SYT15: variants seen among roughly 807,000 people sequenced by gnomAD.
SYT15 encodes synaptotagmin 15.
SYT15 carries 4 observed loss-of-function variants against 30.1 expected under a neutral mutation model. That is an observed-to-expected ratio of 0.13 (90% CI 0.07 to 0.30). The LOEUF is 0.30. Ranked by LOEUF, SYT15 falls within the 10% of genes least tolerant of loss-of-function variation. SYT15 has a pLI of 1.00. For missense variants in SYT15, 49 were observed against 371.7 expected, an observed-to-expected ratio of 0.13 and a Z score of 7.14; for synonymous variants, 19 against 166.3, an observed-to-expected ratio of 0.11 and a Z score of 6.82.
chr10:46,584,217 G>A (rs1315458929), intron 5 of SYT15, among the ~76,000 whole-genome samples: 2 of 151,474 alleles, frequency 1.3e-5, no homozygotes, highest in Non-Finnish European at 2.9e-5. Flanking sequence ...GTCCAGCCCA[G>A]GGAAATGTTT....
At chr10:46,584,781 G>T (rs1844694900) in intron 6 of SYT15, among the ~76,000 whole-genome samples, 166 bp downstream of exon 6, 1 of 151,052 alleles carries the variant, frequency 6.6e-6, no homozygotes, top group South Asian at 2.1e-4. Flanking sequence ...CAGTTCTGGT[G>T]CAGGAAGCCT....
chr10:46,580,555 A>G (rs1159492611), intron 2 of SYT15, among the ~76,000 whole-genome samples, 187 bp downstream of exon 2: 3 of 128,862 alleles, frequency 2.3e-5, no homozygotes, highest in Non-Finnish European at 4.9e-5. Flanking sequence ...CCAGGTGAGG[A>G]ATCTGAGGCT....
downstream of SYT15, among the ~76,000 whole-genome samples, chr10:46,594,891 C>A (rs191784183): frequency 4.9e-5 from 5 of 101,218 alleles, no homozygotes; most frequent in Non-Finnish European, 9.6e-5. Context: ...TCTCAGAATT[C>A]TTTTCTCAGA....
chr10:46,580,708 G>A (rs1844096021), intron 2 of SYT15, among the ~76,000 whole-genome samples, 186 bp from the exon 3 acceptor site: 1 of 140,072 alleles, frequency 7.1e-6, no homozygotes, highest in Non-Finnish European at 1.5e-5. Flanking sequence ...GTGTGTGTGT[G>A]TGTGTGTGTG....
intron 7 of SYT15, among the ~76,000 whole-genome samples, chr10:46,586,785 C>A (rs1845007322): frequency 1.1e-5 from 1 of 88,616 alleles, no homozygotes; most frequent in Non-Finnish European, 2.2e-5. Flanking sequence ...GCAGAGGTTG[C>A]AGTGAGCCAA....
rs541766716 is a variant in SYT15, at chr10:46,591,118, G to A, written c.*3471G>A. 21 of 94,904 alleles carry A rather than the reference G, an allele frequency of 2.2e-4. No individual in the cohort carries two copies. The East Asian group carries it at 5.4e-3, about 24-fold the overall frequency. The allele number at this position is 94,904 out of a possible 1,614,324, so 5.9% of individuals were successfully genotyped here. ...TCAGTGGCTCACATCTATTATCCCC[G>A]CACTTTGGAAGGCCAAGGCAGGTAG... On this transcript the variant is annotated 3_prime_UTR_variant, in exon 8 of 8. Transcript: ENST00000374321.
rs57369329 is a variant in SYT15 at position 46,591,282 on chromosome 10, C to T, written c.*3635C>T. On this transcript the variant is annotated 3_prime_UTR_variant, in exon 8 of 8. Transcript: ENST00000374321. ...CTGGGGCAGGAGTATTGCGTGAGCC[C>T]GGGAGGTTAAGGCTGAAGTGAGTCA... 289 of 53,800 alleles carry T rather than the reference C, an allele frequency of 5.4e-3. 14 individuals are homozygous for T. The highest frequency in any genetic ancestry group is 0.024 in the African/African-American group (262 of 11,004). The allele number at this position is 53,800 out of a possible 1,614,324, so 3.3% of individuals were successfully genotyped here. A position where few individuals can be genotyped will look rare whatever the true frequency, so the allele number is the denominator to read the frequency against.
In SYT15 at chr10:46,590,982, T is replaced by C. The variant is rs1200774795; in HGVS notation, c.*3335T>C. ...GTACACTTTTGTGTGTGTGCGCAGG[T>C]TTATACACATAAACACAACAATACT... On this transcript the variant is annotated 3_prime_UTR_variant, in exon 8 of 8. Coordinates refer to ENST00000374321, the MANE Select transcript of SYT15 (RefSeq NM_031912.5). The C allele has an allele frequency of 7.0e-6, 1 of 143,856 alleles. No homozygotes were observed. The highest frequency in any genetic ancestry group is 1.5e-5 in the Non-Finnish European group (1 of 66,286). 8.9% of individuals were successfully genotyped at this position (143,856 alleles called of 1,614,324 possible). A position where few individuals can be genotyped will look rare whatever the true frequency, so the allele number is the denominator to read the frequency against.
downstream of SYT15, chr10:46,592,080 C>G (rs1390643016): frequency 7.4e-6 from 1 of 135,924 alleles, no homozygotes; most frequent in Non-Finnish European, 1.6e-5. Context: ...TTGTCTTACC[C>G]ATTTTTGTTT....
chr10:46,583,916 C>T lies in SYT15; in HGVS notation c.822+14C>T. The T allele has an allele frequency of 1.3e-6, 2 of 1,530,450 alleles. No individual in the cohort carries two copies. Among genetic ancestry groups the T allele is most frequent in the Non-Finnish European group, 1.8e-6 (2 of 1,133,432 alleles). 94.8% of individuals were successfully genotyped at this position (1,530,450 alleles called of 1,614,324 possible). A position where few individuals can be genotyped will look rare whatever the true frequency, so the allele number is the denominator to read the frequency against. Reference sequence around the variant, plus strand: ...GAGAGCCTGGAGGTATGGTCAAGGTCACCATGCCTATGCCACTGAGCATCA... The same window carrying T: ...GAGAGCCTGGAGGTATGGTCAAGGTTACCATGCCTATGCCACTGAGCATCA... On this transcript the variant is annotated intron_variant, in intron 5 of 7. Transcript: ENST00000374321.
chr10:46,591,777 A>G lies in SYT15; in HGVS notation c.*4130A>G, dbSNP rs1845448488. On this transcript the variant is annotated 3_prime_UTR_variant, in exon 8 of 8. Coordinates refer to ENST00000374321, the MANE Select transcript of SYT15 (RefSeq NM_031912.5). ...TTTGAGTTTTGTTAGTTTTTGTTTTATGCATTTAGAGGTTGTGTTATTAGG... is the reference window on the plus strand; with the variant it reads ...TTTGAGTTTTGTTAGTTTTTGTTTTGTGCATTTAGAGGTTGTGTTATTAGG... The G allele has an allele frequency of 7.0e-6, 1 of 142,926 alleles. No homozygotes were observed. Among genetic ancestry groups the G allele is most frequent in the African/African-American group, 2.7e-5 (1 of 36,492 alleles). The allele number at this position is 142,926 out of a possible 1,614,324, so 8.9% of individuals were successfully genotyped here.
At chr10:46,580,800 C>T (rs1206897761) in intron 2 of SYT15, 94 bp from the exon 3 acceptor site, 2 of 910,496 alleles carry the variant, frequency 2.2e-6, no homozygotes, top group Admixed American at 5.9e-5. Flanking sequence ...GGCTTTTCTT[C>T]CTCCAGCCCC....
downstream of SYT15, chr10:46,596,709 C>G: frequency 2.7e-6 from 1 of 370,530 alleles, no homozygotes; most frequent in Non-Finnish European, 5.2e-6. Flanking sequence ...ACTAGGTGAT[C>G]AGAAATCCCT....
chr10:46,596,873 C>T (rs1216991908), downstream of SYT15: 18 of 396,860 alleles, frequency 4.5e-5, 1 homozygote, highest in Non-Finnish European at 6.8e-5. Context: ...AGTTTAGACT[C>T]CTACATGGGA....
chr10:46,580,719 CGTGTGT>C (rs10588658), intron 2 of SYT15, among the ~76,000 whole-genome samples, 169 bp from the exon 3 acceptor site: 2 of 66,066 alleles, frequency 3.0e-5, no homozygotes, highest in Admixed American at 1.4e-4. Context: ...TGTGTGTGTG[CGTGTGT>C]GTGTGTGTGT....
At chr10:46,595,830 TA>T (rs1296660150), downstream of SYT15, among the ~76,000 whole-genome samples, 5 of 134,594 alleles carry the variant, frequency 3.7e-5, no homozygotes, top group East Asian at 1.0e-3. Context: ...GGACAGCTGC[TA>T]CCCCCAGGGA....
chr10:46,580,306 AG>A lies in SYT15; in HGVS notation c.151del (p.Ala51LeufsTer19), dbSNP rs782416537. ...CTGGGACACCAGCCATGGCCACCACAGCTGCCTCCAGTGGGCAGCGGGACAG... is the reference window on the plus strand; with the variant it reads ...CTGGGACACCAGCCATGGCCACCACACTGCCTCCAGTGGGCAGCGGGACAG... ...LPGTPAMATT[A>X]ASSGQRDRPC... is the part of the protein sequence containing the mutation. On this transcript the variant is annotated frameshift_variant, in exon 2 of 8. Coordinates refer to ENST00000374321, the MANE Select transcript of SYT15 (RefSeq NM_031912.5). LOFTEE classifies it high-confidence loss of function. 6.4e-5 allele frequency: 45 copies of A among 700,494 alleles called. 1 individual carries two copies. Among genetic ancestry groups the A allele is most frequent in the Non-Finnish European group, 9.5e-5 (45 of 471,438 alleles). The allele number at this position is 700,494 out of a possible 1,614,324, so 43.4% of individuals were successfully genotyped here. A position where few individuals can be genotyped will look rare whatever the true frequency, so the allele number is the denominator to read the frequency against.
In SYT15 at chr10:46,580,265, A is replaced by ATAGGTGAGGGTGG; in HGVS notation, c.109_110insTAGGTGAGGGTGG (p.Thr37IlefsTer7). On this transcript the variant is annotated frameshift_variant, in exon 2 of 8. Transcript: ENST00000374321. LOFTEE classifies it high-confidence loss of function. Reference sequence around the variant, plus strand: ...GTGGAGAAGGTTCTGTGCCACCCTCACCTATGAGGAGCTGCCTGGGACACC... The same window carrying ATAGGTGAGGGTGG: ...GTGGAGAAGGTTCTGTGCCACCCTCATAGGTGAGGGTGGCCTATGAGGAGCTGCCTGGGACACC... The ATAGGTGAGGGTGG allele has an allele frequency of 2.3e-6, 2 of 870,266 alleles. No individual in the cohort carries two copies. Among genetic ancestry groups the ATAGGTGAGGGTGG allele is most frequent in the Non-Finnish European group, 3.2e-6 (2 of 620,486 alleles). 53.9% of individuals were successfully genotyped at this position (870,266 alleles called of 1,614,324 possible).
chr10:46,595,714 A>G (rs1407171303), downstream of SYT15, among the ~76,000 whole-genome samples: 7 of 132,198 alleles, frequency 5.3e-5, no homozygotes, highest in African/African-American at 2.2e-4. Context: ...GGCCTCCCAA[A>G]GTGCTGGGAT....
Sources: allele counts gnomAD v4.1 joint callset (sites outside exome capture counted in the v4.1 genomes callset), GRCh38; gene constraint gnomAD v4.1.1; transcripts MANE v1.5; gene names NCBI Gene and HGNC (gene_info 2026-07-23, HGNC 2026-07-21).